The following ACOXL variants were observed in gnomAD, a reference collection of about 807,000 sequenced individuals.
The protein encoded by ACOXL is acyl-CoA oxidase like.
ACOXL carries 70 observed loss-of-function variants against 71.9 expected under a neutral mutation model. The observed-to-expected ratio is 0.97, with a 90% CI of 0.80 to 1.19. The LOEUF (loss-of-function observed/expected upper bound fraction) is 1.19, where lower values mean the gene tolerates loss of function less well. Among genes scored for constraint, ACOXL ranks in the 50% most tolerant of loss-of-function variants. The pLI is 0.00. For synonymous variants in ACOXL, 253 were observed against 281.6 expected (o/e 0.90, Z 1.02); for missense variants, 703 against 736.3 (o/e 0.95, Z 0.52).
rs192623184 is a variant in ACOXL at position 111,062,316 on chromosome 2, T to C, written c.1440+13028T>C. ...CACCAAACATGACAGCTACAAAATA[T>C]GTGATGTGAAAACTGATAGAACTAA... is the stretch of plus-strand genomic sequence containing the variant. On this transcript the variant is annotated intron_variant, in intron 16 of 17. Transcript: ENST00000439055. 5.6e-3 allele frequency among the ~76,000 whole-genome samples: 852 copies of C among 151,840 alleles called. 2 individuals carry two copies. Among genetic ancestry groups the C allele is most frequent in the Non-Finnish European group, 9.7e-3 (661 of 67,856 alleles).
In ACOXL at chr2:110,793,686, A is replaced by G. The variant is rs938265755; in HGVS notation, c.196A>G (p.Arg66Gly). ...IIYWLFGGAI[R>G]NLGSPEHVTK... is the part of the protein sequence containing the mutation. ...TTATTGGCTATTTGGTGGTGCTATC[A>G]GGAATCTCGGAAGCCCTGAACATGT... is the stretch of plus-strand genomic sequence containing the variant. The change falls in exon 4 of 18, where the codon AGG becomes GGG. Residue 66 changes from arginine (R) to glycine (G), a missense_variant. Arg to Gly is a moderately radical substitution (Grantham distance 125). Transcript: ENST00000439055. 5.6e-6 allele frequency: 9 copies of G among 1,614,190 alleles called. No individual in the cohort carries two copies. The highest frequency in any genetic ancestry group is 7.6e-6 in the Non-Finnish European group (9 of 1,180,022).
At chr2:110,860,811 C>T (rs1033609044) in intron 10 of ACOXL, among the ~76,000 whole-genome samples, 2 of 152,180 alleles carry the variant, frequency 1.3e-5, no homozygotes, top group African/African-American at 4.8e-5. Context: ...CAGGAAGTGG[C>T]AGCCGGGCTT....
At chr2:110,942,352 A>G (rs1224779230) in intron 12 of ACOXL, among the ~76,000 whole-genome samples, 1 of 152,248 alleles carries the variant, frequency 6.6e-6, no homozygotes, top group African/African-American at 2.4e-5. Flanking sequence ...TAAGTAGGTT[A>G]AAAATAAATG....
Position 110,944,140 on chromosome 2 carries a change from C to G in ACOXL, c.1059+10498C>G, listed in dbSNP as rs565228990. Among the ~76,000 whole-genome samples, 5 of 152,236 alleles carry G rather than the reference C, an allele frequency of 3.3e-5. No homozygotes were observed. In the East Asian group the frequency reaches 9.7e-4, roughly 29 times the overall value. On this transcript the variant is annotated intron_variant, in intron 12 of 17. Transcript: ENST00000439055. The stretch of plus-strand genomic sequence containing the variant: ...TGGCATGATCTTGGCTTACTGCAAC[C>G]TCCACTTCCCAGGCTCAAGCGATTC...
chr2:110,990,182 A>G (rs919981028), intron 13 of ACOXL, among the ~76,000 whole-genome samples: 5 of 152,272 alleles, frequency 3.3e-5, no homozygotes, highest in Non-Finnish European at 5.9e-5. Context: ...TGACATATTT[A>G]TAAAGCAGGT....
chr2:110,933,002 C>A (rs2060532222), intron 11 of ACOXL, among the ~76,000 whole-genome samples: 1 of 152,150 alleles, frequency 6.6e-6, no homozygotes, highest in Non-Finnish European at 1.5e-5. Context: ...TCTGCTGTTC[C>A]TCTGGTTCGT....
At position 111,117,669 on chromosome 2, in the gene ACOXL, C is replaced by T. The variant is rs1224499756; in HGVS notation, c.1596C>T (p.Thr532=). 2.6e-6 allele frequency: 4 copies of T among 1,551,660 alleles called. No homozygotes were observed. Among genetic ancestry groups the T allele is most frequent in the Non-Finnish European group, 3.5e-6 (4 of 1,147,020 alleles). The part of the protein sequence containing the change: ...VKDDARRVIS[T]FNIPHTYLHA... ...ATGATGCCCGGAGGGTGATCTCGACCTTTAACATTCCACACACCTACCTCC... is the reference window on the plus strand; with the variant it reads ...ATGATGCCCGGAGGGTGATCTCGACTTTTAACATTCCACACACCTACCTCC... Residue 532 remains threonine (T), a synonymous_variant, in exon 18 of 18, where the codon ACC becomes ACT. Transcript: ENST00000439055.
In ACOXL at chr2:110,739,633, C is replaced by G. The variant is rs549186878; in HGVS notation, c.-23+6859C>G. ...CCATGTGGGTCCCACAGTTAGCCTC[C>G]CATGCCACCCTCTCCTAACAGTAAA... On this transcript the variant is annotated intron_variant, in intron 1 of 17. Coordinates refer to ENST00000439055, the MANE Select transcript of ACOXL (RefSeq NM_001142807.4). Among the ~76,000 whole-genome samples, 5 of 152,338 alleles carry G rather than the reference C, an allele frequency of 3.3e-5. No homozygotes were observed. In the East Asian group the frequency reaches 9.6e-4, roughly 29 times the overall value.
chr2:110,965,620 G>C (rs994889220), intron 12 of ACOXL, among the ~76,000 whole-genome samples: 1 of 152,216 alleles, frequency 6.6e-6, no homozygotes, highest in African/African-American at 2.4e-5. Context: ...TATAAAGAAT[G>C]TGATCATGAT....
chr2:111,084,144 T>G (rs1358438367), intron 16 of ACOXL, among the ~76,000 whole-genome samples: 1 of 151,920 alleles, frequency 6.6e-6, no homozygotes, highest in African/African-American at 2.4e-5. Context: ...CTGGGCAAGA[T>G]GGCAAGACCC....
At chr2:110,852,096 C>T (rs1053322422) in intron 10 of ACOXL, among the ~76,000 whole-genome samples, 8 of 152,318 alleles carry the variant, frequency 5.3e-5, no homozygotes, top group Non-Finnish European at 1.0e-4. Context: ...GGACGACTGT[C>T]CAGGCTGGTG....
intron 1 of ACOXL, among the ~76,000 whole-genome samples, chr2:110,740,094 G>A (rs1677330862): frequency 6.6e-6 from 1 of 152,142 alleles, no homozygotes; most frequent in African/African-American, 2.4e-5. Flanking sequence ...GGACACTCAG[G>A]TCATGTTCAG....
At chr2:110,817,952 CTTTT>C (rs1193171202) in intron 9 of ACOXL, among the ~76,000 whole-genome samples, 1 of 115,766 alleles carries the variant, frequency 8.6e-6, no homozygotes, top group Non-Finnish European at 1.8e-5. Context: ...ATGCTCCTGA[CTTTT>C]TTTTTTTTTT....
intron 16 of ACOXL, among the ~76,000 whole-genome samples, chr2:111,063,952 C>A (rs35888108): frequency 0.084 from 12,801 of 151,990 alleles, 643 homozygotes; most frequent in Non-Finnish European, 0.11. Context: ...AGAGAAAGGA[C>A]GGAAGGAAAG....
At chr2:110,860,411 G>A (rs969243204) in intron 10 of ACOXL, among the ~76,000 whole-genome samples, 26 of 152,268 alleles carry the variant, frequency 1.7e-4, no homozygotes, top group African/African-American at 3.4e-4. Context: ...GAGCCACCGC[G>A]CCCAGCCTTG....
At chr2:110,873,024 G>A (rs1228554971) in intron 10 of ACOXL, among the ~76,000 whole-genome samples, 2 of 152,202 alleles carry the variant, frequency 1.3e-5, no homozygotes, top group Non-Finnish European at 2.9e-5. Context: ...GCCTGCATTT[G>A]TTTTAACATA....
chr2:110,778,898 A>T (rs1682984492), intron 2 of ACOXL, among the ~76,000 whole-genome samples: 2 of 152,066 alleles, frequency 1.3e-5, no homozygotes, highest in African/African-American at 4.8e-5. Context: ...AATGCTGCAT[A>T]AAAAAAGTAA....
At chr2:110,755,389 T>C (rs2104845081) in intron 1 of ACOXL, among the ~76,000 whole-genome samples, 1 of 152,328 alleles carries the variant, frequency 6.6e-6, no homozygotes, top group East Asian at 1.9e-4. Context: ...TTGTTTATGA[T>C]TTTATATGCC....
chr2:110,793,570 A>G, intron 3 of ACOXL, 80 bp from the exon 4 acceptor site: 1 of 1,325,112 alleles, frequency 7.5e-7, no homozygotes, highest in Non-Finnish European at 1.1e-6. Flanking sequence ...CTGCTCCCTG[A>G]TTGGAGTTTG....
Sources: gnomAD v4.1 joint callset for allele counts (sites outside exome capture counted in the v4.1 genomes callset) on GRCh38, gnomAD v4.1.1 for gene constraint, MANE v1.5 for transcripts, NCBI Gene and HGNC (gene_info 2026-07-23, HGNC 2026-07-21) for gene names.